RPS6KC1: variants seen among roughly 807,000 people sequenced by gnomAD.
RPS6KC1 encodes inactive ribosomal protein S6 kinase delta-1.
A neutral mutation model predicts 103.8 loss-of-function variants in RPS6KC1; 54 were observed. The observed-to-expected ratio is 0.52, with a 90% confidence interval of 0.42 to 0.65. The LOEUF is 0.65. Ranked by LOEUF, RPS6KC1 falls within the 30% of genes least tolerant of loss-of-function variation. RPS6KC1 has a pLI of 0.00. For synonymous variants in RPS6KC1, 439 were observed against 438.7 expected, an observed-to-expected ratio of 1.00 and a Z score of -0.01; for missense variants, 1,151 against 1,253.8, an observed-to-expected ratio of 0.92 and a Z score of 1.24.
At chr1:213,409,187 C>T in the RPS6KC1 span, among the ~76,000 whole-genome samples, 67,131 of 151,840 alleles carry the variant, frequency 0.44, 15,338 homozygotes, top group Admixed American at 0.56. Flanking sequence ...TCTAGAAGCC[C>T]GTGCAACCAA....
chr1:213,477,506 T>C, the RPS6KC1 span, among the ~76,000 whole-genome samples: 2 of 152,200 alleles, frequency 1.3e-5, no homozygotes, highest in Non-Finnish European at 2.9e-5. Flanking sequence ...TATGATCCTA[T>C]CTTTGTGAAT....
At chr1:213,261,714 C>A in intron 13 of RPS6KC1, 74 bp downstream of exon 13, 1 of 1,295,576 alleles carries the variant, frequency 7.7e-7, no homozygotes. Context: ...CATTAGCCTT[C>A]ACCCTTAGTT....
At chr1:213,053,252 A>G (rs181959285) in intron 1 of RPS6KC1, among the ~76,000 whole-genome samples, 8 of 152,228 alleles carry the variant, frequency 5.3e-5, no homozygotes, top group Non-Finnish European at 1.2e-4. Context: ...TTATCCGTTA[A>G]TTTAACAGGA....
chr1:213,744,957 C>A, the RPS6KC1 span, among the ~76,000 whole-genome samples: 1 of 152,202 alleles, frequency 6.6e-6, no homozygotes, highest in African/African-American at 2.4e-5. Context: ...GGCATGAGGC[C>A]CTTCAAGGTG....
At chr1:213,442,429 A>G in the RPS6KC1 span, among the ~76,000 whole-genome samples, 1 of 152,324 alleles carries the variant, frequency 6.6e-6, no homozygotes, top group East Asian at 1.9e-4. Flanking sequence ...AAAATAATAT[A>G]GTCTAGCAGA....
chr1:213,796,203 C>G, the RPS6KC1 span, among the ~76,000 whole-genome samples: 1 of 152,200 alleles, frequency 6.6e-6, no homozygotes, highest in Admixed American at 6.5e-5. Context: ...CATTTCCCTT[C>G]TTGTTTCATG....
At chr1:213,536,329 T>A in the RPS6KC1 span, among the ~76,000 whole-genome samples, 15 of 152,210 alleles carry the variant, frequency 9.9e-5, no homozygotes, top group African/African-American at 3.6e-4. Flanking sequence ...GGCTCAGTGT[T>A]ATTCTAGGCA....
chr1:213,390,680 G>C, the RPS6KC1 span, among the ~76,000 whole-genome samples: 2 of 152,110 alleles, frequency 1.3e-5, no homozygotes, highest in African/African-American at 2.4e-5. Flanking sequence ...CTACCCATCT[G>C]GTTTCTCATT....
chr1:213,317,160 A>G, the RPS6KC1 span, among the ~76,000 whole-genome samples: 1 of 152,338 alleles, frequency 6.6e-6, no homozygotes, highest in Non-Finnish European at 1.5e-5. Flanking sequence ...ACTTGGGTGT[A>G]TGTAAATTGA....
At chr1:213,541,744 G>A in the RPS6KC1 span, among the ~76,000 whole-genome samples, 1 of 152,170 alleles carries the variant, frequency 6.6e-6, no homozygotes, top group African/African-American at 2.4e-5. Context: ...TGGAGACTAG[G>A]AATGGTATAT....
intron 3 of RPS6KC1, among the ~76,000 whole-genome samples, chr1:213,089,878 G>A (rs540450671): frequency 2.3e-3 from 350 of 152,270 alleles, no homozygotes; most frequent in African/African-American, 8.2e-3. Context: ...GCGGTCCTAC[G>A]TGCTGAAGAT....
the RPS6KC1 span, among the ~76,000 whole-genome samples, chr1:213,772,343 G>A: frequency 1.3e-5 from 2 of 152,148 alleles, no homozygotes; most frequent in Non-Finnish European, 2.9e-5. Flanking sequence ...CTTTCTTTGC[G>A]CAGGACACAA....
the RPS6KC1 span, among the ~76,000 whole-genome samples, chr1:213,290,537 C>T: frequency 2.4e-4 from 6 of 25,008 alleles, no homozygotes; most frequent in Non-Finnish European, 4.1e-4. Flanking sequence ...TGACTCCAGC[C>T]CTTCCTTTTC....
At chr1:213,364,957 C>CA in the RPS6KC1 span, among the ~76,000 whole-genome samples, 5 of 151,854 alleles carry the variant, frequency 3.3e-5, no homozygotes, top group Non-Finnish European at 2.9e-5. Context: ...GACTCCATCT[C>CA]AAAAAAATAA....
chr1:213,356,683 GC>G, the RPS6KC1 span, among the ~76,000 whole-genome samples: 9 of 152,076 alleles, frequency 5.9e-5, no homozygotes, highest in African/African-American at 2.2e-4. Context: ...ATAAAAGCCT[GC>G]CCCCAGATAA....
the RPS6KC1 span, among the ~76,000 whole-genome samples, chr1:213,342,690 T>C: frequency 9.9e-5 from 15 of 152,236 alleles, no homozygotes; most frequent in East Asian, 2.9e-3. Context: ...ATATTTGACT[T>C]TTAACACAAA....
chr1:213,151,995 G>A (rs1381753471), intron 6 of RPS6KC1, among the ~76,000 whole-genome samples: 1 of 127,106 alleles, frequency 7.9e-6, no homozygotes, highest in Non-Finnish European at 1.7e-5. Flanking sequence ...CTTCCCAGTA[G>A]GGGTGGCCGG....
chr1:213,730,240 G>T, the RPS6KC1 span, among the ~76,000 whole-genome samples: 1 of 152,112 alleles, frequency 6.6e-6, no homozygotes, highest in Non-Finnish European at 1.5e-5. Context: ...ACCTACATGT[G>T]CATGTGTCTT....
At chr1:213,554,782 G>C in the RPS6KC1 span, among the ~76,000 whole-genome samples, 2 of 152,108 alleles carry the variant, frequency 1.3e-5, no homozygotes, top group Non-Finnish European at 2.9e-5. Context: ...TATTCATTCA[G>C]TGCTTCCTTT....
Sources: gnomAD v4.1 joint callset for allele counts (sites outside exome capture counted in the v4.1 genomes callset) on GRCh38, gnomAD v4.1.1 for gene constraint, MANE v1.5 for transcripts, NCBI Gene and HGNC (gene_info 2026-07-23, HGNC 2026-07-21) for gene names.